DAB1: variants seen among roughly 807,000 people sequenced by gnomAD.
DAB1 encodes the protein DAB adaptor protein 1.
Under a neutral mutation model 64.6 loss-of-function variants are expected in DAB1, and 15 were observed. That is an observed-to-expected ratio of 0.23 (90% CI 0.16 to 0.36). DAB1 has a LOEUF of 0.36. Among genes scored for constraint, DAB1 ranks in the 10% least tolerant of loss-of-function variants. DAB1 has a pLI of 1.00. For synonymous variants in DAB1, 235 were observed against 251.9 expected, an observed-to-expected ratio of 0.93 and a Z score of 0.64; for missense variants, 596 against 706.7, an observed-to-expected ratio of 0.84 and a Z score of 1.78.
intron 8 of DAB1, among the ~76,000 whole-genome samples, chr1:57,065,892 C>T (rs566278577): frequency 8.5e-5 from 13 of 152,134 alleles, no homozygotes; most frequent in Non-Finnish European, 1.8e-4. Flanking sequence ...ATCTCATCCC[C>T]GTGCCAGACG....
intron 7 of DAB1, among the ~76,000 whole-genome samples, chr1:57,475,852 C>T (rs891503867): frequency 6.6e-6 from 1 of 152,146 alleles, no homozygotes; most frequent in Non-Finnish European, 1.5e-5. Context: ...AACCACAAGG[C>T]CTGGCTCAAA....
chr1:57,412,136 C>T (rs1208266439), intron 1 of DAB1, among the ~76,000 whole-genome samples: 2 of 152,146 alleles, frequency 1.3e-5, no homozygotes, highest in Non-Finnish European at 2.9e-5. Context: ...CACTATGAGC[C>T]ATGCCCACAT....
intron 5 of DAB1, among the ~76,000 whole-genome samples, chr1:58,097,662 G>C (rs1007979048): frequency 6.6e-6 from 1 of 152,164 alleles, no homozygotes. Context: ...AGCAGGAAGT[G>C]TTCAGGGAAC....
At chr1:58,184,118 T>A (rs144757059) in intron 4 of DAB1, among the ~76,000 whole-genome samples, 1 of 151,964 alleles carries the variant, frequency 6.6e-6, no homozygotes, top group Non-Finnish European at 1.5e-5. Flanking sequence ...TTTAAGGGAG[T>A]AGAGAAGTCC....
chr1:58,398,759 G>A (rs1206232180), intron 3 of DAB1, among the ~76,000 whole-genome samples: 2 of 152,212 alleles, frequency 1.3e-5, no homozygotes, highest in Non-Finnish European at 2.9e-5. Flanking sequence ...GCTGGGACAG[G>A]AAGCAGAGGA....
At chr1:57,240,214 C>A (rs1280518800) in intron 2 of DAB1, among the ~76,000 whole-genome samples, 1 of 151,844 alleles carries the variant, frequency 6.6e-6, no homozygotes, top group African/African-American at 2.4e-5. Flanking sequence ...AGGAAGAGGA[C>A]AAAATAAACA....
intron 2 of DAB1, among the ~76,000 whole-genome samples, chr1:57,220,505 G>A (rs1264720078): frequency 6.6e-6 from 1 of 152,096 alleles, no homozygotes; most frequent in Non-Finnish European, 1.5e-5. Flanking sequence ...CTAATAGCAG[G>A]TATTATTAGC....
chr1:58,183,891 A>C (rs551353545), intron 4 of DAB1, among the ~76,000 whole-genome samples: 1 of 151,750 alleles, frequency 6.6e-6, no homozygotes, highest in Non-Finnish European at 1.5e-5. Flanking sequence ...TACCCCTATT[A>C]AATTTTTGGC....
intron 6 of DAB1, among the ~76,000 whole-genome samples, chr1:57,744,668 C>T (rs1018413767): frequency 2.6e-5 from 4 of 152,116 alleles, no homozygotes; most frequent in African/African-American, 9.7e-5. Flanking sequence ...CTTGGGCTGT[C>T]CACATGAGCA....
At chr1:58,011,103 G>A (rs991048811) in intron 5 of DAB1, among the ~76,000 whole-genome samples, 3 of 152,144 alleles carry the variant, frequency 2.0e-5, no homozygotes, top group African/African-American at 7.2e-5. Context: ...TATTTAGCAT[G>A]ACAACCACCA....
At position 58,331,752 on chromosome 1, in the gene DAB1, A is replaced by G. The variant is rs188608190; in HGVS notation, n.309+11600T>C. Among the ~76,000 whole-genome samples, 5 of 152,336 alleles carry G rather than the reference A, an allele frequency of 3.3e-5. No individual in the cohort carries two copies. The South Asian group carries it at 6.2e-4, about 19-fold the overall frequency. The stretch of plus-strand genomic sequence containing the variant: ...TAGGTATGTACGTTTTTTAGAGACA[A>G]TGCTATTGCACACTTAACAGACTAC... On this transcript the variant is annotated intron_variant and non_coding_transcript_variant, in intron 4 of 20. Transcript: ENST00000485760.
chr1:58,129,857 G>C (rs1215196249), intron 5 of DAB1, among the ~76,000 whole-genome samples: 2 of 149,868 alleles, frequency 1.3e-5, no homozygotes, highest in South Asian at 2.1e-4. Context: ...TACATTTGCT[G>C]AGGAGAGCTT....
intron 4 of DAB1, among the ~76,000 whole-genome samples, chr1:58,262,945 T>A (rs1661081507): frequency 6.6e-6 from 1 of 152,196 alleles, no homozygotes; most frequent in South Asian, 2.1e-4. Context: ...AAGATAACAC[T>A]GAGTAGAGTC....
intron 5 of DAB1, among the ~76,000 whole-genome samples, chr1:57,912,466 A>G (rs1644660731): frequency 6.6e-6 from 1 of 152,194 alleles, no homozygotes; most frequent in Non-Finnish European, 1.5e-5. Context: ...GCTATCTATG[A>G]CAAACACACA....
chr1:57,563,112 C>T (rs961110652), intron 7 of DAB1, among the ~76,000 whole-genome samples: 2 of 152,136 alleles, frequency 1.3e-5, no homozygotes, highest in African/African-American at 2.4e-5. Context: ...ACAAAAAAAA[C>T]ACCTTGACCT....
intron 4 of DAB1, among the ~76,000 whole-genome samples, chr1:58,321,781 C>T (rs1273544401): frequency 6.6e-6 from 1 of 152,264 alleles, no homozygotes; most frequent in African/African-American, 2.4e-5. Context: ...GGGCGGAGCC[C>T]ACTGCAGCTC....
At chr1:57,912,497 GC>G (rs1644661337) in intron 5 of DAB1, among the ~76,000 whole-genome samples, 4 of 152,126 alleles carry the variant, frequency 2.6e-5, no homozygotes, top group Admixed American at 2.6e-4. Context: ...TACTGAATGG[GC>G]AAAAATTGGA....
At chr1:57,058,830 G>A (rs1254264762) in intron 9 of DAB1, among the ~76,000 whole-genome samples, 1 of 152,186 alleles carries the variant, frequency 6.6e-6, no homozygotes, top group Non-Finnish European at 1.5e-5. Context: ...AGTCCTCAGC[G>A]GGAACTATAT....
chr1:58,345,709 C>T (rs892008407), intron 3 of DAB1, among the ~76,000 whole-genome samples: 1 of 152,108 alleles, frequency 6.6e-6, no homozygotes, highest in Admixed American at 6.6e-5. Flanking sequence ...CCAATCCCCT[C>T]TCCTGAGCTT....
Sources: allele counts gnomAD v4.1 joint callset (sites outside exome capture counted in the v4.1 genomes callset), GRCh38; gene constraint gnomAD v4.1.1; transcripts MANE v1.5; gene names NCBI Gene and HGNC (gene_info 2026-07-23, HGNC 2026-07-21).